Variants in MALRD1 observed in about 807,000 individuals in gnomAD.
MALRD1 encodes MAM and LDL receptor class A domain containing 1.
A neutral mutation model predicts 242.1 loss-of-function variants in MALRD1; 247 were observed. The observed-to-expected ratio is 1.02, with a 90% confidence interval of 0.92 to 1.13. MALRD1 has a LOEUF of 1.13. MALRD1 is among the 50% of genes most tolerant of loss of function. MALRD1 has a pLI of 0.00. For missense variants in MALRD1, 2,989 were observed against 2,533.1 expected, an observed-to-expected ratio of 1.18 and a Z score of -3.86; for synonymous variants, 995 against 866.6, an observed-to-expected ratio of 1.15 and a Z score of -2.60.
intron 28 of MALRD1, among the ~76,000 whole-genome samples, chr10:19,434,936 A>G (rs1239737296): frequency 6.6e-6 from 1 of 151,740 alleles, no homozygotes; most frequent in East Asian, 1.9e-4. Flanking sequence ...ACAACAAAAT[A>G]ATTATTGGAC....
intron 29 of MALRD1, among the ~76,000 whole-genome samples, chr10:19,490,785 T>C (rs1338034832): frequency 2.6e-5 from 4 of 152,240 alleles, no homozygotes; most frequent in African/African-American, 9.6e-5. Context: ...CAATGTCTGC[T>C]GGCTTGACTA....
chr10:19,691,934 G>T (rs781656670), intron 36 of MALRD1, among the ~76,000 whole-genome samples: 4 of 151,974 alleles, frequency 2.6e-5, no homozygotes, highest in Non-Finnish European at 5.9e-5. Flanking sequence ...AGAAAAATGT[G>T]CTGCCTTTTG....
At chr10:19,711,189 T>A (rs1028769749) in intron 38 of MALRD1, 1 of 152,204 alleles carries the variant, frequency 6.6e-6, no homozygotes, top group Non-Finnish European at 1.5e-5. Context: ...CTTAAATGCA[T>A]CCTTAGGGAT....
rs1038330708 is a variant in MALRD1 at position 19,066,747 on chromosome 10, G to A, written c.228G>A (p.Glu76=). The change falls in exon 2 of 40, where the codon GAG becomes GAA. Residue 76 remains glutamate, a synonymous_variant. Transcript: ENST00000454679. Reference sequence around the variant, plus strand: ...TGAATTATGAAAGATGTGATTTTGAGGATGGTCTCTGTCATATGACTCAAG... The same window carrying A: ...TGAATTATGAAAGATGTGATTTTGAAGATGGTCTCTGTCATATGACTCAAG... ...HCLNYERCDF[E]DGLCHMTQDQ... The A allele has an allele frequency of 1.6e-6, 2 of 1,233,646 alleles. No individual in the cohort carries two copies. Among genetic ancestry groups the A allele is most frequent in the Non-Finnish European group, 2.0e-6 (2 of 987,998 alleles). 76.4% of individuals were successfully genotyped at this position (1,233,646 alleles called of 1,614,324 possible).
chr10:19,061,527 A>G (rs919698943), intron 1 of MALRD1, among the ~76,000 whole-genome samples: 3 of 152,284 alleles, frequency 2.0e-5, no homozygotes, highest in Middle Eastern at 3.4e-3. Flanking sequence ...GAGGTCTAAC[A>G]CTTCCTGATT....
intron 5 of MALRD1, among the ~76,000 whole-genome samples, chr10:19,113,713 A>AGTTTCTTGTGAGTTGAG (rs1161739304): frequency 6.7e-6 from 1 of 149,522 alleles, no homozygotes; most frequent in African/African-American, 2.5e-5. Context: ...TCTGAGCAAA[A>AGTTTCTTGTGAGTTGAG]GTTTCTTGTG....
At position 19,463,553 on chromosome 10, in the gene MALRD1, A is replaced by AGT. The variant is rs142025703; in HGVS notation, c.5029+13100_5029+13101dup. On this transcript the variant is annotated intron_variant, in intron 29 of 39. Transcript: ENST00000454679. ...AATTCGTTCCCTTTCGTGGCTGAGT[A>AGT]GTGTGTGTGTGTGTGTGTGTGTGTG... is the stretch of plus-strand genomic sequence containing the variant. Among the ~76,000 whole-genome samples the AGT allele has an allele frequency of 9.3e-3, 1,397 of 150,118 alleles. 10 individuals carry two copies. Among genetic ancestry groups the AGT allele is most frequent in the African/African-American group, 0.021 (860 of 40,662 alleles).
intron 2 of MALRD1, among the ~76,000 whole-genome samples, chr10:19,071,169 C>T (rs2358284): frequency 0.56 from 84,695 of 151,770 alleles, 24,051 homozygotes; most frequent in African/African-American, 0.67. Flanking sequence ...CAAACTTTTG[C>T]ATGCTGTGGG....
chr10:19,312,398 ATATG>A (rs1361339520), intron 21 of MALRD1, among the ~76,000 whole-genome samples: 501 of 145,172 alleles, frequency 3.5e-3, no homozygotes, highest in Non-Finnish European at 5.7e-3. Flanking sequence ...ATATATATAT[ATATG>A]TGTATATGTG....
chr10:19,165,242 A>AATATATATATATATATAT (rs57449195), intron 12 of MALRD1, among the ~76,000 whole-genome samples: 1,937 of 69,018 alleles, frequency 0.028, 121 homozygotes, highest in African/African-American at 0.039. Context: ...AGTTGTTTGG[A>AATATATATATATATATAT]ATATATATAT....
intron 11 of MALRD1, 73 bp from the exon 12 acceptor site, chr10:19,155,002 A>C (rs763444374): frequency 8.8e-6 from 7 of 797,606 alleles, no homozygotes; most frequent in Non-Finnish European, 1.2e-5. Flanking sequence ...TGCAAGGATA[A>C]GATTGTGGAG....
At chr10:19,542,293 T>C (rs1447878765) in intron 32 of MALRD1, among the ~76,000 whole-genome samples, 1 of 152,164 alleles carries the variant, frequency 6.6e-6, no homozygotes, top group Non-Finnish European at 1.5e-5. Context: ...CAAGTAACTT[T>C]TCTTTTACAT....
chr10:19,049,765 A>G (rs895794418), intron 1 of MALRD1, among the ~76,000 whole-genome samples: 2 of 152,214 alleles, frequency 1.3e-5, no homozygotes, highest in South Asian at 4.1e-4. Context: ...AGATGAGATA[A>G]AGCAACTCTC....
intron 28 of MALRD1, among the ~76,000 whole-genome samples, chr10:19,411,456 C>A (rs1483610765): frequency 6.6e-6 from 1 of 152,176 alleles, no homozygotes; most frequent in Non-Finnish European, 1.5e-5. Context: ...TCTTATTCAT[C>A]TCTTCCTATG....
chr10:19,351,145 G>A (rs1844358899), intron 25 of MALRD1, among the ~76,000 whole-genome samples: 1 of 152,156 alleles, frequency 6.6e-6, no homozygotes, highest in Non-Finnish European at 1.5e-5. Flanking sequence ...TATGATATAT[G>A]TGACTGCTAG....
rs183724145 is a variant in MALRD1, at chr10:19,364,722, T to C, written c.4441+12425T>C. On this transcript the variant is annotated intron_variant, in intron 26 of 39. Transcript: ENST00000454679. ...ATTGTGTGAAACTGAATATATTACA[T>C]ATCCCAATGAACTGAATTTGTTAGA... is the stretch of plus-strand genomic sequence containing the variant. Among the ~76,000 whole-genome samples, 46 of 152,284 alleles carry C rather than the reference T, an allele frequency of 3.0e-4. 1 individual carries two copies. The East Asian group carries it at 5.2e-3, about 17-fold the overall frequency.
chr10:19,658,531 T>C (rs954193077), intron 36 of MALRD1, among the ~76,000 whole-genome samples: 2 of 151,936 alleles, frequency 1.3e-5, no homozygotes, highest in African/African-American at 4.8e-5. Context: ...ACACCCCAGT[T>C]TGGAATATTA....
At chr10:19,136,337 CA>C (rs1164638288) in intron 9 of MALRD1, among the ~76,000 whole-genome samples, 2 of 129,824 alleles carry the variant, frequency 1.5e-5, no homozygotes, top group Non-Finnish European at 3.4e-5. Flanking sequence ...ATGTTTCCAT[CA>C]GTTTTTTTTT....
At chr10:19,174,353 C>G (rs1164322307) in intron 13 of MALRD1, among the ~76,000 whole-genome samples, 1 of 152,104 alleles carries the variant, frequency 6.6e-6, no homozygotes, top group Non-Finnish European at 1.5e-5. Context: ...ATAGCATGTT[C>G]TGACTCCAAG....
Sources: gnomAD v4.1 joint callset for allele counts (sites outside exome capture counted in the v4.1 genomes callset) on GRCh38, gnomAD v4.1.1 for gene constraint, MANE v1.5 for transcripts, NCBI Gene and HGNC (gene_info 2026-07-23, HGNC 2026-07-21) for gene names.